Variants in RBFOX1 observed in about 807,000 individuals in gnomAD.
RBFOX1 encodes the protein RNA binding fox-1 homolog 1.
In RBFOX1, 8 loss-of-function variants were observed where a neutral mutation model predicts 57.7. That is an observed-to-expected ratio of 0.14 (90% CI 0.08 to 0.25). The LOEUF (loss-of-function observed/expected upper bound fraction) is 0.25. RBFOX1 is among the 10% of genes least tolerant of loss of function. RBFOX1 has a pLI of 1.00. For missense variants in RBFOX1, 611 were observed against 548.5 expected (o/e 1.11, Z -1.14); for synonymous variants, 326 against 222.4 (o/e 1.47, Z -4.15).
intron 3 of RBFOX1, among the ~76,000 whole-genome samples, chr16:6,679,575 C>G (rs1005483034): frequency 1.3e-5 from 2 of 152,050 alleles, no homozygotes; most frequent in African/African-American, 4.8e-5. Context: ...AGGAGGTAGC[C>G]TCATTATCTT....
intron 1 of RBFOX1, among the ~76,000 whole-genome samples, chr16:6,077,431 G>C (rs901949270): frequency 6.6e-6 from 1 of 152,178 alleles, no homozygotes; most frequent in African/African-American, 2.4e-5. Context: ...TTAGAGAAGT[G>C]ATATTGCGTC....
chr16:6,448,790 C>G (rs201245839), intron 2 of RBFOX1, among the ~76,000 whole-genome samples: 1 of 152,112 alleles, frequency 6.6e-6, no homozygotes, highest in Non-Finnish European at 1.5e-5. Context: ...CTTCAGCCAC[C>G]TTATCCTATT....
intron 1 of RBFOX1, among the ~76,000 whole-genome samples, chr16:6,032,009 T>A (rs2095297811): frequency 1.3e-5 from 2 of 152,186 alleles, no homozygotes; most frequent in Non-Finnish European, 2.9e-5. Flanking sequence ...TTTCAGAGAT[T>A]TTTTTAAATT....
chr16:5,699,916 T>C (rs184853423), intron 3 of RBFOX1, among the ~76,000 whole-genome samples: 2,420 of 152,224 alleles, frequency 0.016, 76 homozygotes, highest in African/African-American at 0.054. Flanking sequence ...TCACTGCAAG[T>C]TCTGCCTCCC....
At chr16:7,564,575 C>T (rs1348853385) in intron 5 of RBFOX1, among the ~76,000 whole-genome samples, 3 of 133,678 alleles carry the variant, frequency 2.2e-5, no homozygotes, top group African/African-American at 3.1e-5. Flanking sequence ...AAAAGGCACT[C>T]ATCTGCAAGC....
chr16:6,230,102 C>A (rs1266303228), intron 1 of RBFOX1, among the ~76,000 whole-genome samples: 3 of 152,056 alleles, frequency 2.0e-5, no homozygotes, highest in African/African-American at 7.2e-5. Flanking sequence ...TATATTTTTA[C>A]TCCATCTTCT....
At chr16:7,280,985 C>CTCCT (rs1263837103) in intron 4 of RBFOX1, among the ~76,000 whole-genome samples, 1 of 109,610 alleles carries the variant, frequency 9.1e-6, no homozygotes, top group African/African-American at 4.5e-5. Flanking sequence ...CCCTCCCTCC[C>CTCCT]TCCCTCCTTC....
chr16:6,750,206 T>G (rs2074651671), intron 3 of RBFOX1, among the ~76,000 whole-genome samples: 1 of 152,206 alleles, frequency 6.6e-6, no homozygotes, highest in African/African-American at 2.4e-5. Flanking sequence ...CAAAACCTAT[T>G]GAATTGTGGG....
chr16:6,825,472 T>A (rs1230251292), intron 3 of RBFOX1, among the ~76,000 whole-genome samples: 1 of 150,650 alleles, frequency 6.6e-6, no homozygotes, highest in Admixed American at 6.6e-5. Context: ...GAAAAGGGAG[T>A]TGTGTGTTTA....
intron 11 of RBFOX1, among the ~76,000 whole-genome samples, chr16:7,634,903 T>C (rs1487662525): frequency 6.6e-6 from 1 of 152,184 alleles, no homozygotes; most frequent in African/African-American, 2.4e-5. Context: ...TCACCTAGTG[T>C]CAAATGGAAA....
chr16:6,480,166 T>C (rs1018654962), intron 2 of RBFOX1, among the ~76,000 whole-genome samples: 1 of 152,232 alleles, frequency 6.6e-6, no homozygotes. Flanking sequence ...GAGCTCCTTT[T>C]GTTCTTTTAA....
chr16:6,629,005 G>A (rs2098347948), intron 2 of RBFOX1, among the ~76,000 whole-genome samples: 1 of 152,150 alleles, frequency 6.6e-6, no homozygotes, highest in African/African-American at 2.4e-5. Flanking sequence ...ACTGCAGCCT[G>A]GGTGACAGAG....
At chr16:7,632,346 C>T (rs2061110271) in intron 11 of RBFOX1, among the ~76,000 whole-genome samples, 1 of 152,138 alleles carries the variant, frequency 6.6e-6, no homozygotes, top group African/African-American at 2.4e-5. Flanking sequence ...TCAGAAGGGC[C>T]TCCTTGGGGC....
intron 2 of RBFOX1, among the ~76,000 whole-genome samples, chr16:5,564,199 G>A (rs559647521): frequency 1.3e-5 from 2 of 151,184 alleles, no homozygotes; most frequent in East Asian, 3.9e-4. Flanking sequence ...TTTTTTTTTA[G>A]TAGGGACAGG....
chr16:7,111,802 T>C (rs2064837970), intron 4 of RBFOX1, among the ~76,000 whole-genome samples: 1 of 152,174 alleles, frequency 6.6e-6, no homozygotes, highest in Non-Finnish European at 1.5e-5. Flanking sequence ...ATTTGATTTT[T>C]TTTCCCCCAA....
intron 2 of RBFOX1, among the ~76,000 whole-genome samples, chr16:6,542,794 G>A (rs1407527880): frequency 6.6e-6 from 1 of 151,864 alleles, no homozygotes; most frequent in African/African-American, 2.4e-5. Flanking sequence ...GCCCGGCCGG[G>A]ACCACAGTCT....
intron 2 of RBFOX1, among the ~76,000 whole-genome samples, chr16:6,471,586 A>AT (rs2095175265): frequency 6.6e-6 from 1 of 152,062 alleles, no homozygotes; most frequent in Admixed American, 6.6e-5. Flanking sequence ...TTGGAAAAAA[A>AT]AAAAAAAAAC....
chr16:6,393,292 T>C (rs2092686502), intron 2 of RBFOX1, among the ~76,000 whole-genome samples: 1 of 152,184 alleles, frequency 6.6e-6, no homozygotes, highest in Admixed American at 6.5e-5. Flanking sequence ...CAACTATGAG[T>C]ATAGGGAATG....
At chr16:5,611,708 A>ACCCACTC in intron 3 of RBFOX1, among the ~76,000 whole-genome samples, 1 of 145,776 alleles carries the variant, frequency 6.9e-6, no homozygotes, top group African/African-American at 2.5e-5. Flanking sequence ...CCACTCTCCC[A>ACCCACTC]TCCATCCATC....
Sources: allele counts gnomAD v4.1 joint callset (sites outside exome capture counted in the v4.1 genomes callset), GRCh38; gene constraint gnomAD v4.1.1; transcripts MANE v1.5; gene names NCBI Gene and HGNC (gene_info 2026-07-23, HGNC 2026-07-21).